Variants in CAPS2 observed in about 807,000 individuals in gnomAD.
The protein encoded by CAPS2 is calcyphosine 2.
A neutral mutation model predicts 86.5 loss-of-function variants in CAPS2; 98 were observed. The observed-to-expected ratio is 1.13, with a 90% CI of 0.96 to 1.34. CAPS2 has a LOEUF of 1.34. Among genes scored for constraint, CAPS2 ranks in the 40% most tolerant of loss-of-function variants. CAPS2 has a pLI of 0.00. For synonymous variants in CAPS2, 210 were observed against 225.1 expected, an observed-to-expected ratio of 0.93 and a Z score of 0.60; for missense variants, 729 against 686.8, an observed-to-expected ratio of 1.06 and a Z score of -0.69.
chr12:75,360,176 A>C (rs2043473836), intron 1 of CAPS2: 1 of 152,162 alleles, frequency 6.6e-6, no homozygotes, highest in Non-Finnish European at 1.5e-5. Flanking sequence ...TTACAATTCG[A>C]GATAAGGTTT....
At chr12:75,327,847 A>G (rs1436426270), upstream of CAPS2, among the ~76,000 whole-genome samples, 1 of 148,796 alleles carries the variant, frequency 6.7e-6, no homozygotes. Context: ...ATTAAAATAT[A>G]CTTTATTTAT....
rs1478492462 is a variant in CAPS2, at chr12:75,362,474, C to T, written c.-395+28364G>A. Among the ~76,000 whole-genome samples the T allele has an allele frequency of 2.0e-5, 3 of 152,234 alleles. No homozygotes were observed. In the East Asian group the frequency reaches 5.8e-4, roughly 29 times the overall value. On this transcript the variant is annotated intron_variant, in intron 1 of 5. Coordinates refer to the CAPS2 transcript ENST00000551829. ...CAACCCTATTGGTAGTGACCAAAAA[C>T]TTGACCAACCCAAATGCCCATCAAT...
chr12:75,276,077 G>A (rs1406223523), downstream of CAPS2: 2 of 888,156 alleles, frequency 2.3e-6, no homozygotes, highest in African/African-American at 3.5e-5. Context: ...CGATATGTAT[G>A]ACAAGAGCCT....
intron 4 of CAPS2, among the ~76,000 whole-genome samples, chr12:75,322,513 C>A (rs2040398880): frequency 6.6e-6 from 1 of 152,076 alleles, no homozygotes; most frequent in Admixed American, 6.5e-5. Flanking sequence ...AAAAGACTAA[C>A]AAAAACAGAA....
At chr12:75,349,196 G>A (rs753375036) in intron 1 of CAPS2, among the ~76,000 whole-genome samples, 1 of 152,136 alleles carries the variant, frequency 6.6e-6, no homozygotes, top group Non-Finnish European at 1.5e-5. Flanking sequence ...ACAGTTCTTG[G>A]CACTCACACA....
intron 1 of CAPS2, among the ~76,000 whole-genome samples, chr12:75,382,997 C>G (rs897594604): frequency 6.6e-6 from 1 of 152,146 alleles, no homozygotes; most frequent in African/African-American, 2.4e-5. Flanking sequence ...TATAAAATAA[C>G]TTAAAACTGT....
rs117968278 is a variant in CAPS2 at position 75,296,617 on chromosome 12, C to T, written c.1044+2070G>A. ...TGGTCTCACTTTTATGCAGGTGCAT[C>T]TATGGGCACATGTGCACATTCATGT... On this transcript the variant is annotated intron_variant, in intron 11 of 16. Coordinates refer to ENST00000393284, the Ensembl canonical transcript of CAPS2. Among the ~76,000 whole-genome samples, 39 of 152,246 alleles carry T rather than the reference C, an allele frequency of 2.6e-4. 1 individual carries two copies. The East Asian group carries it at 4.6e-3, about 18-fold the overall frequency.
intron 1 of CAPS2, among the ~76,000 whole-genome samples, chr12:75,362,611 A>C (rs1019677765): frequency 6.6e-6 from 1 of 152,190 alleles, no homozygotes; most frequent in African/African-American, 2.4e-5. Context: ...AATCTTTCAC[A>C]GATAGAAGAT....
intron 7 of CAPS2, chr12:75,306,364 A>T: frequency 2.2e-6 from 1 of 449,628 alleles, no homozygotes. Context: ...GAGGACTAGC[A>T]AGGTCTGGAG....
At chr12:75,306,120 C>T (rs2038458432) in intron 7 of CAPS2, 1 of 1,219,996 alleles carries the variant, frequency 8.2e-7, no homozygotes, top group Non-Finnish European at 1.2e-6. Flanking sequence ...CTTCCACATT[C>T]GGGAACGTGC....
chr12:75,349,365 TAAC>T (rs1308650162), intron 1 of CAPS2, among the ~76,000 whole-genome samples: 5 of 152,058 alleles, frequency 3.3e-5, no homozygotes, highest in Admixed American at 6.6e-5. Context: ...AACATAACTT[TAAC>T]AACAACAACA....
chr12:75,361,264 G>A (rs1593815008), intron 1 of CAPS2, among the ~76,000 whole-genome samples: 1 of 152,158 alleles, frequency 6.6e-6, no homozygotes, highest in South Asian at 2.1e-4. Context: ...CAACAGTGTA[G>A]AAAACTAATT....
chr12:75,390,231 G>C (rs1162406673), intron 1 of CAPS2: 1 of 423,868 alleles, frequency 2.4e-6, no homozygotes, highest in Admixed American at 2.8e-5. Context: ...TGAGGAAAAT[G>C]TTTGGAGGTA....
chr12:75,353,914 C>T (rs997838999), intron 1 of CAPS2, among the ~76,000 whole-genome samples: 1 of 151,978 alleles, frequency 6.6e-6, no homozygotes, highest in African/African-American at 2.4e-5. Context: ...CAATAGATGC[C>T]AAAAGGCCTT....
chr12:75,287,816 C>T (rs566286195), intron 14 of CAPS2, among the ~76,000 whole-genome samples: 5 of 152,296 alleles, frequency 3.3e-5, no homozygotes, highest in African/African-American at 1.2e-4. Flanking sequence ...GTGGGAACCC[C>T]CAACTCGAAA....
Position 75,291,728 on chromosome 12 carries a change from C to T in CAPS2, c.1240+16G>A, listed in dbSNP as rs778167450. On this transcript the variant is annotated intron_variant, in intron 13 of 16. Coordinates refer to ENST00000393284, the Ensembl canonical transcript of CAPS2. ...TGAAAATTCAAAGTACTTGAGAGTACAGTAATAACACATACCTTGAATTGC... is the reference window on the plus strand; with the variant it reads ...TGAAAATTCAAAGTACTTGAGAGTATAGTAATAACACATACCTTGAATTGC... 1.4e-6 allele frequency: 2 copies of T among 1,398,640 alleles called. No individual in the cohort carries two copies. Among genetic ancestry groups the T allele is most frequent in the Non-Finnish European group, 1.9e-6 (2 of 1,028,818 alleles). The allele number at this position is 1,398,640 out of a possible 1,614,324, so 86.6% of individuals were successfully genotyped here.
Position 75,298,866 on chromosome 12 carries a change from C to G in CAPS2, c.950+5G>C, listed in dbSNP as rs1014171956. 2.5e-6 allele frequency: 4 copies of G among 1,603,910 alleles called. No homozygotes were observed. Among genetic ancestry groups the G allele is most frequent in the Non-Finnish European group, 3.4e-6 (4 of 1,172,602 alleles). On this transcript the variant is annotated splice_donor_5th_base_variant and intron_variant, in intron 10 of 16. Transcript: ENST00000393284. ...CCAGAGTTCTAACAATGTTTAATGG[C>G]ATACCTATTTTTCCCAAATTGTCGA...
intron 1 of CAPS2, among the ~76,000 whole-genome samples, chr12:75,362,389 T>C (rs759459145): frequency 6.6e-6 from 1 of 152,198 alleles, no homozygotes; most frequent in Non-Finnish European, 1.5e-5. Context: ...GGTATTCTCA[T>C]GCACTGTTAG....
intron 16 of CAPS2, among the ~76,000 whole-genome samples, chr12:75,280,131 C>CA (rs557448868): frequency 1.4e-3 from 215 of 151,650 alleles, no homozygotes; most frequent in African/African-American, 5.0e-3. Flanking sequence ...TGGGATATAC[C>CA]ATTTCTATTA....
Sources: gnomAD v4.1 joint callset for allele counts (sites outside exome capture counted in the v4.1 genomes callset) on GRCh38, gnomAD v4.1.1 for gene constraint, MANE v1.5 for transcripts, NCBI Gene and HGNC (gene_info 2026-07-23, HGNC 2026-07-21) for gene names.